DNAH12: variants seen among roughly 807,000 people sequenced by gnomAD.
DNAH12 encodes axonemal beta dynein heavy chain 12.
DNAH12 carries 285 observed loss-of-function variants against 371.5 expected under a neutral mutation model. The ratio of observed to expected loss-of-function variants is 0.77; its 90% CI spans 0.70 to 0.85. The LOEUF is 0.85. DNAH12 is among the 40% of genes least tolerant of loss of function. DNAH12 has a pLI of 0.00. For synonymous variants in DNAH12, 1,200 were observed against 1,213.0 expected, an observed-to-expected ratio of 0.99 and a Z score of 0.22; for missense variants, 3,611 against 3,689.4, an observed-to-expected ratio of 0.98 and a Z score of 0.55.
At chr3:57,326,957 C>G (rs1334196457) in intron 62 of DNAH12, among the ~76,000 whole-genome samples, 2 of 152,058 alleles carry the variant, frequency 1.3e-5, no homozygotes, top group African/African-American at 4.8e-5. Context: ...TCAAAAGAGA[C>G]AAAGAAGGCT....
At position 57,423,016 on chromosome 3, in the gene DNAH12, G is replaced by A. The variant is rs560044071; in HGVS notation, c.5374-1310C>T. Reference sequence around the variant, plus strand: ...AGAGTGTGTGCATAAAATACTTCTAGAATTCTATATAGGGCACCGGCAATA... The same window carrying A: ...AGAGTGTGTGCATAAAATACTTCTAAAATTCTATATAGGGCACCGGCAATA... On this transcript the variant is annotated intron_variant, in intron 35 of 73. Coordinates refer to ENST00000495027, the MANE Select transcript of DNAH12 (RefSeq NM_001366028.2). Among the ~76,000 whole-genome samples the A allele has an allele frequency of 3.1e-3, 466 of 152,142 alleles. 3 individuals carry two copies. The highest frequency in any genetic ancestry group is 0.01 in the African/African-American group (432 of 41,492).
chr3:57,482,395 T>C (rs1236303728), intron 13 of DNAH12, among the ~76,000 whole-genome samples: 1 of 151,978 alleles, frequency 6.6e-6, no homozygotes, highest in Non-Finnish European at 1.5e-5. Context: ...CCAGTTAGAA[T>C]GGCGATCATT....
intron 43 of DNAH12, among the ~76,000 whole-genome samples, chr3:57,398,598 T>G (rs2063792516): frequency 6.6e-6 from 1 of 152,180 alleles, no homozygotes; most frequent in Non-Finnish European, 1.5e-5. Context: ...AGATTAGCAG[T>G]GAATTTCTCA....
chr3:57,487,997 C>T (rs2066991375), intron 12 of DNAH12, among the ~76,000 whole-genome samples: 2 of 151,686 alleles, frequency 1.3e-5, no homozygotes, highest in Admixed American at 1.3e-4. Flanking sequence ...TCTTTGATAT[C>T]TTCTCGTGTA....
intron 38 of DNAH12, among the ~76,000 whole-genome samples, chr3:57,415,132 TGTGTGTGTGTGA>T (rs1255685761): frequency 7.0e-6 from 1 of 141,962 alleles, no homozygotes; most frequent in African/African-American, 2.5e-5. Context: ...TGTGTGTGTT[TGTGTGTGTGTGA>T]GTGTGTGTGT....
chr3:57,406,015 CAG>C, intron 40 of DNAH12, 63 bp from the exon 41 acceptor site: 1 of 1,436,028 alleles, frequency 7.0e-7, no homozygotes, highest in African/African-American at 1.4e-5. Context: ...GTCATGTAAC[CAG>C]TGGAATGTTA....
chr3:57,414,002 A>T, intron 38 of DNAH12, 90 bp from the exon 39 acceptor site: 1 of 1,332,484 alleles, frequency 7.5e-7, no homozygotes, highest in Non-Finnish European at 1.0e-6. Context: ...CAAGTAAAAC[A>T]ACCCATTTTG....
intron 34 of DNAH12, among the ~76,000 whole-genome samples, chr3:57,426,121 G>A (rs2064760716): frequency 6.6e-6 from 1 of 152,080 alleles, no homozygotes; most frequent in Admixed American, 6.6e-5. Context: ...TTCAAGGCAG[G>A]GGAATGTATA....
At chr3:57,445,139 C>T (rs967838819) in intron 28 of DNAH12, 35 bp downstream of exon 28, 5 of 1,487,406 alleles carry the variant, frequency 3.4e-6, no homozygotes, top group East Asian at 5.0e-5. Flanking sequence ...TATCTTTCTA[C>T]TGAAACTTTC....
rs1260438881 is a variant in DNAH12 at position 57,531,212 on chromosome 3, T to C, written c.171-7328A>G. ...CATTTCTTGTAGGACAGGTCTGATGTTGATGAAATCCTTTAGCTTTTGTTT... is the reference window on the plus strand; with the variant it reads ...CATTTCTTGTAGGACAGGTCTGATGCTGATGAAATCCTTTAGCTTTTGTTT... On this transcript the variant is annotated intron_variant, in intron 2 of 73. Transcript: ENST00000495027. Among the ~76,000 whole-genome samples, 3 of 152,356 alleles carry C rather than the reference T, an allele frequency of 2.0e-5. No homozygotes were observed. The East Asian group carries it at 5.8e-4, about 29-fold the overall frequency.
chr3:57,542,926 G>A, intron 1 of DNAH12, 23 bp from the exon 2 acceptor site: 1 of 1,462,646 alleles, frequency 6.8e-7, no homozygotes, highest in Non-Finnish European at 9.0e-7. Context: ...AGTCCATAAA[G>A]CCATTATTAT....
chr3:57,421,360 A>G (rs2064573471), intron 36 of DNAH12, among the ~76,000 whole-genome samples, 158 bp downstream of exon 36: 1 of 152,218 alleles, frequency 6.6e-6, no homozygotes, highest in Non-Finnish European at 1.5e-5. Flanking sequence ...AAATTTATTT[A>G]TACAGCCAAT....
chr3:57,513,167 C>T (rs1478598105), intron 4 of DNAH12, among the ~76,000 whole-genome samples: 2 of 151,688 alleles, frequency 1.3e-5, no homozygotes, highest in Non-Finnish European at 2.9e-5. Context: ...TACATATACA[C>T]CATGGAATAC....
rs1553682046 is a variant in DNAH12 at position 57,408,522 on chromosome 3, C to A, written c.6034G>T (p.Asp2012Tyr). 4.5e-6 allele frequency: 7 copies of A among 1,544,378 alleles called. No homozygotes were observed. Among genetic ancestry groups the A allele is most frequent in the African/African-American group, 1.4e-5 (1 of 72,920 alleles). Residue 2012 changes from aspartate (D) to tyrosine (Y), a missense_variant, in exon 40 of 74, where the codon GAC becomes TAC. Physicochemically the swap from Asp to Tyr is radical, Grantham distance 160. Transcript: ENST00000495027. ...FDCGHWYDLK[D>Y]TSKITLVDIE... ...TCCACCAGCGTGATTTTACTTGTGT[C>A]CTTAAGGTCGTACCTTAGAAAGCAC...
rs1049895115 is a variant in DNAH12, at chr3:57,358,693, C to A, written c.9361-1345G>T. ...TGTAAGAAAGCATAATTTTTGTATT[C>A]TCACTTAAACCTTTTGCTATTTAAA... is the stretch of plus-strand genomic sequence containing the variant. On this transcript the variant is annotated intron_variant, in intron 58 of 73. Coordinates refer to ENST00000495027, the MANE Select transcript of DNAH12 (RefSeq NM_001366028.2). 4.1e-3 allele frequency among the ~76,000 whole-genome samples: 628 copies of A among 152,186 alleles called. 2 individuals carry two copies. Among genetic ancestry groups the A allele is most frequent in the Non-Finnish European group, 6.4e-3 (438 of 68,010 alleles).
At position 57,446,067 on chromosome 3, in the gene DNAH12, G is replaced by A; in HGVS notation, c.4143C>T (p.Gly1381=). The part of the protein sequence containing the change: ...NCFVAITMNP[G]YAGRSELPDN... ...CCGGCAATTCAGAGCGTCCTGCATA[G>A]CCAGGATTCATGGTAATAGCTACAA... The change falls in exon 27 of 74, where the codon GGC becomes GGT. Residue 1381 remains glycine, a synonymous_variant. Coordinates refer to ENST00000495027, the MANE Select transcript of DNAH12 (RefSeq NM_001366028.2). The A allele has an allele frequency of 6.4e-7, 1 of 1,551,608 alleles. No individual in the cohort carries two copies. Among genetic ancestry groups the A allele is most frequent in the South Asian group, 1.2e-5 (1 of 84,046 alleles).
At chr3:57,476,860 A>G in intron 13 of DNAH12, among the ~76,000 whole-genome samples, 1 of 152,334 alleles carries the variant, frequency 6.6e-6, no homozygotes, top group East Asian at 1.9e-4. Flanking sequence ...AGAAACTATA[A>G]AAGAAAAAAT....
the DNAH12 span, among the ~76,000 whole-genome samples, chr3:57,554,727 T>C: frequency 6.6e-6 from 1 of 152,120 alleles, no homozygotes; most frequent in African/African-American, 2.4e-5. Flanking sequence ...GCGATTCTCC[T>C]GCCTCAGCCT....
At chr3:57,354,051 A>G (rs1341915490) in intron 59 of DNAH12, among the ~76,000 whole-genome samples, 1 of 152,200 alleles carries the variant, frequency 6.6e-6, no homozygotes, top group African/African-American at 2.4e-5. Context: ...AAATTGTTCT[A>G]CCATAAAGAC....
Sources: allele counts gnomAD v4.1 joint callset (sites outside exome capture counted in the v4.1 genomes callset), GRCh38; gene constraint gnomAD v4.1.1; transcripts MANE v1.5; gene names NCBI Gene and HGNC (gene_info 2026-07-23, HGNC 2026-07-21).